TRIM66: variants seen among roughly 807,000 people sequenced by gnomAD.
TRIM66 encodes tripartite motif-containing protein 66.
Under a neutral mutation model 148.2 loss-of-function variants are expected in TRIM66, and 99 were observed. That is an observed-to-expected ratio of 0.67 (90% CI 0.57 to 0.79). The LOEUF (loss-of-function observed/expected upper bound fraction) is 0.79. Ranked by LOEUF, TRIM66 falls within the 30% of genes least tolerant of loss-of-function variation. The pLI is 0.00. For missense variants in TRIM66, 1,666 were observed against 1,697.9 expected (o/e 0.98, Z 0.33); for synonymous variants, 616 against 635.9 (o/e 0.97, Z 0.47).
chr11:8,641,090 G>C lies in TRIM66; in HGVS notation c.1285C>G (p.Gln429Glu), dbSNP rs1437205033. The C allele has an allele frequency of 6.4e-7, 1 of 1,551,714 alleles. No individual in the cohort carries two copies. The highest frequency in any genetic ancestry group is 2.4e-5 in the East Asian group (1 of 40,928). The change falls in exon 14 of 25, where the codon CAG (glutamine) becomes GAG (glutamate). Residue 429 changes from glutamine (Q) to glutamate (E), a missense_variant. Around this residue, in one of 3 missense-constraint regions of TRIM66, gnomAD observed 1,431 missense variants for 1,412.4 expected, o/e 1.01. Transcript: ENST00000646038. ...CTTTGATAAAAGGGTGATGACCCCT[G>C]TAAGCCTCCATAAGCAGGAGCATCT... ...RADAPAYGGLQGSSPFYQSHQ... is the reference protein window; with the variant it reads ...RADAPAYGGLEGSSPFYQSHQ...
chr11:8,670,414 T>C (rs1000152110), intron 6 of TRIM66, among the ~76,000 whole-genome samples: 4 of 152,222 alleles, frequency 2.6e-5, no homozygotes, highest in African/African-American at 9.6e-5. Flanking sequence ...ACTCAATCTT[T>C]AGTTTCCACT....
intron 15 of TRIM66, among the ~76,000 whole-genome samples, chr11:8,633,098 G>C (rs528148763): frequency 6.6e-6 from 1 of 152,168 alleles, no homozygotes; most frequent in Non-Finnish European, 1.5e-5. Flanking sequence ...TGGAGACTCA[G>C]GAGAATTTGG....
Position 8,672,342 on chromosome 11 carries a change from G to A in TRIM66, c.-68C>T. ...CTGAAGGCGAACAAACCCTTCAAAA[G>A]TGTCCCGTACCTGTGCCTCTCCTTA... is the stretch of plus-strand genomic sequence containing the variant. On this transcript the variant is annotated 5_prime_UTR_variant, in exon 5 of 25. Coordinates refer to ENST00000646038, the MANE Select transcript of TRIM66 (RefSeq NM_001388022.1). 1 of 1,535,724 alleles carries A rather than the reference G, an allele frequency of 6.5e-7. No individual in the cohort carries two copies. Among genetic ancestry groups the A allele is most frequent in the Non-Finnish European group, 8.7e-7 (1 of 1,146,710 alleles).
At chr11:8,665,196 G>A (rs1263915149) in intron 6 of TRIM66, among the ~76,000 whole-genome samples, 1 of 151,752 alleles carries the variant, frequency 6.6e-6, no homozygotes, top group African/African-American at 2.4e-5. Flanking sequence ...CTACTCTGCT[G>A]GACAAACTGA....
chr11:8,642,566 G>A (rs1394590000), intron 13 of TRIM66, among the ~76,000 whole-genome samples: 1 of 152,120 alleles, frequency 6.6e-6, no homozygotes, highest in East Asian at 1.9e-4. Context: ...GGATATGTCT[G>A]TGTGACACAA....
chr11:8,657,818 CAGACCCTGCTAGAA>C (rs2037960739), intron 6 of TRIM66, among the ~76,000 whole-genome samples: 1 of 152,220 alleles, frequency 6.6e-6, no homozygotes, highest in East Asian at 1.9e-4. Context: ...CCCAAATACC[CAGACCCTGCTAGAA>C]AGACAAATTT....
intron 15 of TRIM66, among the ~76,000 whole-genome samples, chr11:8,628,636 A>AAAAAGAGAG (rs1555042270): frequency 1.1e-5 from 1 of 93,398 alleles, no homozygotes; most frequent in Non-Finnish European, 2.3e-5. Context: ...AAAAAAAAAA[A>AAAAAGAGAG]AGAGAGAGAA....
intron 3 of TRIM66, among the ~76,000 whole-genome samples, chr11:8,677,919 T>C (rs556705295): frequency 6.6e-6 from 1 of 152,310 alleles, no homozygotes; most frequent in Non-Finnish European, 1.5e-5. Flanking sequence ...AATTAGATTA[T>C]TTTTACTTTG....
chr11:8,642,781 T>A (rs1327492634), intron 13 of TRIM66, among the ~76,000 whole-genome samples: 1 of 136,934 alleles, frequency 7.3e-6, no homozygotes, highest in African/African-American at 2.8e-5. Flanking sequence ...TTTCAACTCA[T>A]CCTGATACAA....
At chr11:8,646,408 T>A in intron 11 of TRIM66, 39 bp downstream of exon 11, 1 of 1,528,660 alleles carries the variant, frequency 6.5e-7, no homozygotes. Flanking sequence ...TATGGATGGT[T>A]TCTGAACCCA....
At chr11:8,676,385 T>C (rs1437441000) in intron 3 of TRIM66, among the ~76,000 whole-genome samples, 1 of 152,212 alleles carries the variant, frequency 6.6e-6, no homozygotes, top group Non-Finnish European at 1.5e-5. Context: ...AATAACACGT[T>C]AGCTTTATTA....
chr11:8,682,721 C>T, upstream of TRIM66: 1 of 1,524,172 alleles, frequency 6.6e-7, no homozygotes, highest in South Asian at 1.1e-5. Context: ...AGCCCGGCCT[C>T]TGTGACCGGA....
At position 8,669,653 on chromosome 11, in the gene TRIM66, A is replaced by C. The variant is rs551342291; in HGVS notation, c.340+2133T>G. ...GTGAGACCCTGTCTCAAAAAAAAAA[A>C]AAAAAACTCCTTTTGGGATTTTATT... On this transcript the variant is annotated intron_variant, in intron 6 of 24. Transcript: ENST00000646038. Among the ~76,000 whole-genome samples the C allele has an allele frequency of 3.9e-4, 60 of 152,154 alleles. 1 individual carries two copies. Among genetic ancestry groups the C allele is most frequent in the Non-Finnish European group, 7.8e-4 (53 of 68,008 alleles).
At chr11:8,674,008 A>T (rs1027505835) in intron 4 of TRIM66, among the ~76,000 whole-genome samples, 1 of 152,234 alleles carries the variant, frequency 6.6e-6, no homozygotes, top group African/African-American at 2.4e-5. Flanking sequence ...CTGCACTTCT[A>T]ATTCCTTCTG....
intron 12 of TRIM66, among the ~76,000 whole-genome samples, chr11:8,643,815 C>T (rs182866429): frequency 6.6e-6 from 1 of 152,280 alleles, no homozygotes; most frequent in East Asian, 1.9e-4. Context: ...GTAAAACACC[C>T]TTCTGTCCTA....
intron 3 of TRIM66, among the ~76,000 whole-genome samples, chr11:8,678,529 A>C (rs2039283969): frequency 6.6e-6 from 1 of 152,334 alleles, no homozygotes; most frequent in Middle Eastern, 3.4e-3. Flanking sequence ...AGTTGCTTAT[A>C]CTTATATTTT....
At chr11:8,639,494 A>T (rs1592092175) in intron 14 of TRIM66, among the ~76,000 whole-genome samples, 1 of 152,222 alleles carries the variant, frequency 6.6e-6, no homozygotes, top group South Asian at 2.1e-4. Context: ...AAAGAGGTGC[A>T]CCATCCAATA....
intron 3 of TRIM66, among the ~76,000 whole-genome samples, chr11:8,678,351 G>A (rs914273210): frequency 2.0e-5 from 3 of 152,150 alleles, no homozygotes; most frequent in Non-Finnish European, 4.4e-5. Flanking sequence ...AAATAATCAT[G>A]AAGACTGGGT....
chr11:8,658,231 C>G (rs1461537475), intron 6 of TRIM66, among the ~76,000 whole-genome samples: 1 of 152,198 alleles, frequency 6.6e-6, no homozygotes, highest in Non-Finnish European at 1.5e-5. Context: ...GCAATTTTCC[C>G]AAACTGAACA....
Sources: gnomAD v4.1 joint callset for allele counts (sites outside exome capture counted in the v4.1 genomes callset) on GRCh38, gnomAD v4.1.1 for gene constraint, gnomAD v4.1.1 regional missense constraint, MANE v1.5 for transcripts, NCBI Gene and HGNC (gene_info 2026-07-23, HGNC 2026-07-21) for gene names.